Variants in SCFD1 observed in about 807,000 individuals in gnomAD.
SCFD1 encodes sec1 family domain containing 1.
A neutral mutation model predicts 103.2 loss-of-function variants in SCFD1; 37 were observed. The observed-to-expected ratio is 0.36, with a 90% confidence interval of 0.28 to 0.47. The LOEUF (loss-of-function observed/expected upper bound fraction) is 0.47. Ranked by LOEUF, SCFD1 falls within the 20% of genes least tolerant of loss-of-function variation. The pLI is 1.00. For synonymous variants in SCFD1, 264 were observed against 245.0 expected (o/e 1.08, Z -0.73); for missense variants, 639 against 761.2 (o/e 0.84, Z 1.89).
intron 7 of SCFD1, among the ~76,000 whole-genome samples, chr14:30,644,834 TTTAA>T (rs1177348328): frequency 6.6e-6 from 1 of 150,732 alleles, no homozygotes; most frequent in African/African-American, 2.4e-5. Context: ...AGCTCTTTAG[TTTAA>T]TTAGGTCCAA....
At chr14:30,730,857 A>G (rs1302816897) in intron 23 of SCFD1, among the ~76,000 whole-genome samples, 1 of 152,126 alleles carries the variant, frequency 6.6e-6, no homozygotes, top group African/African-American at 2.4e-5. Flanking sequence ...TAGTTTAGTT[A>G]GATCCCATTT....
At chr14:30,682,929 A>T in intron 14 of SCFD1, 1 of 435,054 alleles carries the variant, frequency 2.3e-6, no homozygotes, top group Non-Finnish European at 4.0e-6. Context: ...TAAAAGACAA[A>T]AACAAAAATA....
intron 9 of SCFD1, chr14:30,652,229 C>T (rs1285434757): frequency 6.6e-6 from 1 of 152,038 alleles, no homozygotes; most frequent in Admixed American, 6.6e-5. Flanking sequence ...AAAAGTGGTG[C>T]GTACTCCTGA....
intron 13 of SCFD1, among the ~76,000 whole-genome samples, 179 bp downstream of exon 13, chr14:30,674,176 C>T (rs184398190): frequency 1.3e-5 from 2 of 152,200 alleles, no homozygotes; most frequent in South Asian, 2.1e-4. Flanking sequence ...TTAGTTCCCT[C>T]TTAGATATAG....
intron 14 of SCFD1, among the ~76,000 whole-genome samples, chr14:30,694,508 T>TAA (rs947666596): frequency 6.8e-6 from 1 of 147,430 alleles, no homozygotes; most frequent in Non-Finnish European, 1.5e-5. Flanking sequence ...CCCATCTCTA[T>TAA]AAAAAAAAAA....
At chr14:30,657,308 G>A (rs1887001352) in intron 10 of SCFD1, among the ~76,000 whole-genome samples, 1 of 152,172 alleles carries the variant, frequency 6.6e-6, no homozygotes, top group Admixed American at 6.5e-5. Flanking sequence ...ATTGTCAGAA[G>A]AGGAAATTGG....
At chr14:30,715,377 C>G (rs1892203836) in intron 19 of SCFD1, 1 of 152,196 alleles carries the variant, frequency 6.6e-6, no homozygotes, top group African/African-American at 2.4e-5. Context: ...TTGAGACCAG[C>G]CTGGCCAACA....
intron 23 of SCFD1, among the ~76,000 whole-genome samples, chr14:30,732,945 T>A (rs927706548): frequency 1.3e-5 from 2 of 152,180 alleles, no homozygotes; most frequent in Non-Finnish European, 2.9e-5. Flanking sequence ...GAGAAAGAAC[T>A]ACACTGAGTT....
Position 30,722,607 on chromosome 14 carries a change from G to A in SCFD1, c.1836+48G>A, listed in dbSNP as rs748012308. The A allele has an allele frequency of 4.1e-6, 5 of 1,206,494 alleles. No individual in the cohort carries two copies. The Admixed American group carries it at 7.8e-5, about 19-fold the overall frequency. The allele number at this position is 1,206,494 out of a possible 1,614,324, so 74.7% of individuals were successfully genotyped here. The stretch of plus-strand genomic sequence containing the variant: ...ATTCTGTTGTTAGATGGTTTCATAG[G>A]TAGAACACTAGCATACTCTGATGGC... On this transcript the variant is annotated intron_variant, in intron 23 of 24. Transcript: ENST00000458591.
rs945362379 is a variant in SCFD1 at position 30,699,188 on chromosome 14, A to G, written c.1340-1000A>G. ...ACATGAGAACTTTAGAGAACTTACCATTATCTTTATTTTACCATTCTTTGT... is the reference window on the plus strand; with the variant it reads ...ACATGAGAACTTTAGAGAACTTACCGTTATCTTTATTTTACCATTCTTTGT... On this transcript the variant is annotated intron_variant, in intron 15 of 24. Transcript: ENST00000458591. 2.6e-5 allele frequency among the ~76,000 whole-genome samples: 4 copies of G among 152,294 alleles called. 1 individual carries two copies. Among genetic ancestry groups the G allele is most frequent in the African/African-American group, 9.6e-5 (4 of 41,560 alleles).
intron 7 of SCFD1, among the ~76,000 whole-genome samples, chr14:30,646,464 T>C (rs1885840219): frequency 6.6e-6 from 1 of 152,200 alleles, no homozygotes; most frequent in Non-Finnish European, 1.5e-5. Context: ...CAACCTTGCA[T>C]CCTGGGAATA....
At chr14:30,622,306 T>G, upstream of SCFD1, 1 of 1,593,802 alleles carries the variant, frequency 6.3e-7, no homozygotes. Flanking sequence ...CCCGCTCCGC[T>G]CCCCAGCCGG....
At chr14:30,719,578 A>C (rs1258113330) in intron 21 of SCFD1, among the ~76,000 whole-genome samples, 1 of 152,140 alleles carries the variant, frequency 6.6e-6, no homozygotes, top group Non-Finnish European at 1.5e-5. Context: ...CCACATATAC[A>C]CACACACAAA....
In SCFD1 at chr14:30,643,296, CT is replaced by C; in HGVS notation, c.524-16del. 6.5e-7 allele frequency: 1 copy of C among 1,535,588 alleles called. No individual in the cohort carries two copies. The highest frequency in any genetic ancestry group is 9.0e-7 in the Non-Finnish European group (1 of 1,108,950). On this transcript the variant is annotated intron_variant, in intron 6 of 24. Transcript: ENST00000458591. ...CATAAGTTTGGGTCAACTTTTTCTC[CT>C]TTTCCTATGTCATTTTAGCCATTAA...
intron 19 of SCFD1, 184 bp from the exon 20 acceptor site, chr14:30,715,740 G>T: frequency 2.0e-6 from 1 of 491,056 alleles, no homozygotes; most frequent in Non-Finnish European, 3.6e-6. Context: ...TTTTCCTGTG[G>T]AAACTTGAGT....
chr14:30,653,796 T>C, intron 10 of SCFD1: 1 of 396,892 alleles, frequency 2.5e-6, no homozygotes, highest in East Asian at 4.1e-5. Flanking sequence ...TTTATGATCT[T>C]TATAGGGTAA....
chr14:30,679,586 A>T (rs897791629), intron 14 of SCFD1, among the ~76,000 whole-genome samples: 2 of 152,188 alleles, frequency 1.3e-5, no homozygotes, highest in Admixed American at 6.5e-5. Flanking sequence ...CTCAAAGAAG[A>T]AGTCTTGGAC....
intron 20 of SCFD1, among the ~76,000 whole-genome samples, chr14:30,718,940 ACT>A (rs1892465827): frequency 6.6e-6 from 1 of 152,146 alleles, no homozygotes; most frequent in African/African-American, 2.4e-5. Context: ...TCCTGTCAAC[ACT>A]CCAGAAGAGA....
chr14:30,648,108 A>G (rs1320506235), intron 7 of SCFD1, among the ~76,000 whole-genome samples: 1 of 152,230 alleles, frequency 6.6e-6, no homozygotes, highest in African/African-American at 2.4e-5. Context: ...TTAGTAGATT[A>G]TATGTAGAAA....
Sources: allele counts gnomAD v4.1 joint callset (sites outside exome capture counted in the v4.1 genomes callset), GRCh38; gene constraint gnomAD v4.1.1; transcripts MANE v1.5; gene names NCBI Gene and HGNC (gene_info 2026-07-23, HGNC 2026-07-21).